The following HCRTR2 variants were observed in gnomAD, a reference collection of about 807,000 sequenced individuals.
HCRTR2 encodes the protein hypocretin receptor 2.
A neutral mutation model predicts 49.0 loss-of-function variants in HCRTR2; 22 were observed. That is an observed-to-expected ratio of 0.45 (90% CI 0.32 to 0.64). HCRTR2 has a LOEUF of 0.64. HCRTR2 is among the 30% of genes least tolerant of loss of function. The probability of loss-of-function intolerance (pLI) is 0.04; values close to 1 mark genes in which losing one functional copy is unlikely to be tolerated. For missense variants in HCRTR2, 491 were observed against 559.4 expected, an observed-to-expected ratio of 0.88 and a Z score of 1.23; for synonymous variants, 236 against 205.3, an observed-to-expected ratio of 1.15 and a Z score of -1.28.
rs151030147 is a variant in HCRTR2 at position 55,189,842 on chromosome 6, G to A, written c.223+15032G>A. Among the ~76,000 whole-genome samples the A allele has an allele frequency of 5.0e-3, 754 of 152,138 alleles. 7 individuals carry two copies. Among genetic ancestry groups the A allele is most frequent in the African/African-American group, 0.017 (704 of 41,492 alleles). On this transcript the variant is annotated intron_variant, in intron 1 of 6. Transcript: ENST00000370862. ...GAAAAAGACAGTGCTTGTCTTATTC[G>A]TTTTTTTCTTAAAATGGGAAATATG...
intron 1 of HCRTR2, among the ~76,000 whole-genome samples, chr6:55,213,405 A>G (rs188799778): frequency 8.5e-5 from 13 of 152,288 alleles, no homozygotes; most frequent in Middle Eastern, 3.4e-3. Flanking sequence ...ATTAAAACTG[A>G]ACTAGTTGCT....
chr6:55,243,566 C>G (rs777393186), intron 1 of HCRTR2, among the ~76,000 whole-genome samples: 3 of 152,008 alleles, frequency 2.0e-5, no homozygotes, highest in East Asian at 1.9e-4. Context: ...CCTTTTTTCT[C>G]CTTTTAAAGA....
chr6:55,156,010 G>A (rs549818098), intron 1 of HCRTR2, among the ~76,000 whole-genome samples: 17 of 151,992 alleles, frequency 1.1e-4, no homozygotes, highest in Middle Eastern at 6.8e-3. Flanking sequence ...TGCAAAATGA[G>A]GGGAAAAACC....
chr6:55,277,291 C>T lies in HCRTR2; in HGVS notation c.763-89C>T. The T allele has an allele frequency of 2.8e-6, 3 of 1,087,778 alleles. No individual in the cohort carries two copies. In the East Asian group the frequency reaches 7.3e-5, roughly 26 times the overall value. The allele number at this position is 1,087,778 out of a possible 1,614,324, so 67.4% of individuals were successfully genotyped here. ...CTCCCACACCTCAGGCGTCTGGAAG[C>T]CTTTCCTTACTGTGTTTTCTAATTA... On this transcript the variant is annotated intron_variant, in intron 4 of 6. Coordinates refer to ENST00000370862, the MANE Select transcript of HCRTR2 (RefSeq NM_001384272.1).
intron 1 of HCRTR2, among the ~76,000 whole-genome samples, chr6:55,167,670 C>T (rs973189303): frequency 1.3e-5 from 2 of 152,140 alleles, no homozygotes; most frequent in African/African-American, 4.8e-5. Flanking sequence ...TTTGCTCCTA[C>T]TCTTTCCTTC....
chr6:55,234,212 T>C (rs62416787), intron 1 of HCRTR2, among the ~76,000 whole-genome samples: 27,462 of 151,952 alleles, frequency 0.18, 2,815 homozygotes, highest in Non-Finnish European at 0.24. Context: ...TGATAAATTC[T>C]CTAACATCAA....
At chr6:55,211,754 A>G (rs1469373535) in intron 1 of HCRTR2, among the ~76,000 whole-genome samples, 2 of 152,032 alleles carry the variant, frequency 1.3e-5, no homozygotes, top group Admixed American at 1.3e-4. Flanking sequence ...CTTCCTGACC[A>G]ACTCCTAATT....
At chr6:55,234,948 T>C (rs1185757438) in intron 1 of HCRTR2, among the ~76,000 whole-genome samples, 2 of 152,106 alleles carry the variant, frequency 1.3e-5, no homozygotes. Flanking sequence ...AACCAAAATT[T>C]CCATCAATTG....
intron 1 of HCRTR2, among the ~76,000 whole-genome samples, chr6:55,138,600 T>C (rs1764463155): frequency 6.6e-6 from 1 of 152,224 alleles, no homozygotes; most frequent in Admixed American, 6.5e-5. Flanking sequence ...TTTACATATA[T>C]GAATTCCTTC....
At chr6:55,228,452 A>G (rs1315156379) in intron 1 of HCRTR2, among the ~76,000 whole-genome samples, 1 of 152,216 alleles carries the variant, frequency 6.6e-6, no homozygotes, top group Non-Finnish European at 1.5e-5. Flanking sequence ...ATCAAAATGT[A>G]AGAATGTCTG....
intron 1 of HCRTR2, among the ~76,000 whole-genome samples, chr6:55,125,135 G>A (rs1398254322): frequency 2.0e-5 from 3 of 152,122 alleles, no homozygotes; most frequent in Non-Finnish European, 4.4e-5. Flanking sequence ...ATTGTTATGT[G>A]TGAATTTGAT....
At chr6:55,161,336 G>A (rs1325963163) in intron 1 of HCRTR2, among the ~76,000 whole-genome samples, 1 of 152,154 alleles carries the variant, frequency 6.6e-6, no homozygotes, top group African/African-American at 2.4e-5. Flanking sequence ...CTAAAGTAGT[G>A]TTTGGAGGGA....
upstream of HCRTR2, among the ~76,000 whole-genome samples, chr6:55,170,072 GATTTATTTTT>G (rs1280377701): frequency 2.7e-5 from 4 of 150,330 alleles, no homozygotes; most frequent in African/African-American, 9.8e-5. Context: ...CTGAGTTTGA[GATTTATTTTT>G]CCGTCTCATT....
chr6:55,144,036 G>C (rs564969298), intron 1 of HCRTR2, among the ~76,000 whole-genome samples: 1 of 150,560 alleles, frequency 6.6e-6, no homozygotes, highest in East Asian at 1.9e-4. Context: ...GCTTGATAGC[G>C]ATGCATTTCA....
At chr6:55,141,178 C>CAAA (rs57936133) in intron 1 of HCRTR2, among the ~76,000 whole-genome samples, 78 of 131,894 alleles carry the variant, frequency 5.9e-4, no homozygotes, top group Admixed American at 2.8e-3. Context: ...ACTAAAAATA[C>CAAA]AAAAAAAAAA....
intron 1 of HCRTR2, among the ~76,000 whole-genome samples, chr6:55,159,855 C>T (rs1183791831): frequency 2.0e-5 from 3 of 152,176 alleles, no homozygotes; most frequent in Non-Finnish European, 4.4e-5. Flanking sequence ...ACTAAACCTA[C>T]ATTTGATTAG....
At chr6:55,202,623 G>A (rs1765530494) in intron 1 of HCRTR2, among the ~76,000 whole-genome samples, 1 of 152,134 alleles carries the variant, frequency 6.6e-6, no homozygotes, top group South Asian at 2.1e-4. Context: ...TCACATGATA[G>A]AAGGGGCAAA....
intron 1 of HCRTR2, among the ~76,000 whole-genome samples, chr6:55,195,010 G>C (rs1346763817): frequency 2.6e-5 from 4 of 152,004 alleles, no homozygotes; most frequent in Non-Finnish European, 5.9e-5. Context: ...AGACACATTA[G>C]TTCCTCTAGA....
In HCRTR2 at chr6:55,248,760, T is replaced by C. The variant is rs1349315299; in HGVS notation, c.345T>C (p.Asp115=). 1 of 1,613,456 alleles carries C rather than the reference T, an allele frequency of 6.2e-7. No homozygotes were observed. The highest frequency in any genetic ancestry group is 1.7e-5 in the Admixed American group (1 of 59,974). The part of the protein sequence containing the change: ...ITCLPATLVV[D]ITETWFFGQS... ...GCCTTCCAGCCACACTGGTCGTGGA[T>C]ATCACTGAGACCTGGTTTTTTGGAC... The change falls in exon 2 of 7, where the codon GAT becomes GAC. Residue 115 remains aspartate, a synonymous_variant. Transcript: ENST00000370862.
Sources: allele counts gnomAD v4.1 joint callset (sites outside exome capture counted in the v4.1 genomes callset), GRCh38; gene constraint gnomAD v4.1.1; transcripts MANE v1.5; gene names NCBI Gene and HGNC (gene_info 2026-07-23, HGNC 2026-07-21).